Variants in IQCM observed in about 807,000 individuals in gnomAD.
IQCM encodes IQ domain-containing protein M.
A neutral mutation model predicts 57.6 loss-of-function variants in IQCM; 45 were observed. The observed-to-expected ratio is 0.78, with a 90% CI of 0.62 to 1.00. The LOEUF (loss-of-function observed/expected upper bound fraction) is 1.00. IQCM is among the 50% of genes least tolerant of loss of function. The probability of loss-of-function intolerance (pLI) is 0.00; values close to 1 mark genes in which losing one functional copy is unlikely to be tolerated. For synonymous variants in IQCM, 148 were observed against 158.9 expected, an observed-to-expected ratio of 0.93 and a Z score of 0.51; for missense variants, 468 against 511.6, an observed-to-expected ratio of 0.91 and a Z score of 0.82.
At chr4:149,616,845 A>G (rs536835408) in intron 8 of IQCM, among the ~76,000 whole-genome samples, 1 of 152,236 alleles carries the variant, frequency 6.6e-6, no homozygotes, top group Non-Finnish European at 1.5e-5. Flanking sequence ...TGGCATACAT[A>G]TACCTATGTA....
intron 2 of IQCM, among the ~76,000 whole-genome samples, chr4:149,805,185 G>GAAT (rs1773959017): frequency 6.6e-6 from 1 of 152,046 alleles, no homozygotes; most frequent in African/African-American, 2.4e-5. Flanking sequence ...AGCATATAGA[G>GAAT]AATAGTATGA....
intron 13 of IQCM, among the ~76,000 whole-genome samples, chr4:149,416,691 T>C (rs1445386513): frequency 6.6e-6 from 1 of 151,990 alleles, no homozygotes; most frequent in African/African-American, 2.4e-5. Context: ...ATGATATAAT[T>C]TTAGGTATTG....
chr4:149,508,806 T>C (rs1744098671), intron 12 of IQCM, among the ~76,000 whole-genome samples: 1 of 152,156 alleles, frequency 6.6e-6, no homozygotes, highest in Non-Finnish European at 1.5e-5. Context: ...TGGAATGATA[T>C]GGTTTGGCTG....
At chr4:149,798,594 C>T (rs190865677) in intron 2 of IQCM, among the ~76,000 whole-genome samples, 1 of 151,922 alleles carries the variant, frequency 6.6e-6, no homozygotes, top group Non-Finnish European at 1.5e-5. Context: ...CTGTTGCCTA[C>T]AAGAAACACA....
intron 8 of IQCM, among the ~76,000 whole-genome samples, chr4:149,590,247 CTTTT>C (rs71596214): frequency 6.8e-5 from 5 of 73,630 alleles, no homozygotes; most frequent in African/African-American, 1.6e-4. Flanking sequence ...TTTTTCTTTC[CTTTT>C]TTTTTTTTTT....
intron 7 of IQCM, among the ~76,000 whole-genome samples, chr4:149,666,556 C>T (rs1760743313): frequency 6.6e-6 from 1 of 152,072 alleles, no homozygotes; most frequent in African/African-American, 2.4e-5. Context: ...CCCAGTAGTG[C>T]CTGGAACATC....
intron 13 of IQCM, among the ~76,000 whole-genome samples, chr4:149,357,184 T>G (rs572616255): frequency 6.6e-6 from 1 of 152,236 alleles, no homozygotes; most frequent in African/African-American, 2.4e-5. Context: ...AATCATGTCA[T>G]CTGCAAACAG....
intron 8 of IQCM, among the ~76,000 whole-genome samples, chr4:149,590,883 G>A (rs1006030172): frequency 2.6e-5 from 4 of 151,928 alleles, no homozygotes; most frequent in Admixed American, 2.6e-4. Context: ...CCAAGTCTTT[G>A]CTATTGGGAA....
chr4:149,728,482 A>G (rs1383306792), intron 5 of IQCM, among the ~76,000 whole-genome samples: 1 of 152,144 alleles, frequency 6.6e-6, no homozygotes, highest in Non-Finnish European at 1.5e-5. Flanking sequence ...TGAATATCTG[A>G]ACTAAGTTTT....
At chr4:149,506,386 C>T (rs572399507) in intron 12 of IQCM, among the ~76,000 whole-genome samples, 23 of 152,154 alleles carry the variant, frequency 1.5e-4, no homozygotes, top group Non-Finnish European at 2.8e-4. Flanking sequence ...TGCTTGAATT[C>T]CCTGACATCA....
intron 12 of IQCM, among the ~76,000 whole-genome samples, chr4:149,522,508 T>A (rs961595031): frequency 2.0e-5 from 3 of 152,160 alleles, no homozygotes; most frequent in African/African-American, 7.2e-5. Flanking sequence ...CAAATATGAT[T>A]TTCTACTTTA....
At chr4:149,533,428 A>G (rs1227574087) in intron 12 of IQCM, among the ~76,000 whole-genome samples, 2 of 152,164 alleles carry the variant, frequency 1.3e-5, no homozygotes, top group Non-Finnish European at 2.9e-5. Flanking sequence ...TAAGTTCTTT[A>G]TAGAGAATTT....
intron 11 of IQCM, among the ~76,000 whole-genome samples, chr4:149,551,049 T>C (rs1157368953): frequency 1.3e-5 from 2 of 152,320 alleles, no homozygotes; most frequent in Non-Finnish European, 1.5e-5. Context: ...AATCCTCCAA[T>C]GGCTTCCCAA....
At chr4:149,626,738 A>C (rs890758358) in intron 7 of IQCM, among the ~76,000 whole-genome samples, 1 of 152,144 alleles carries the variant, frequency 6.6e-6, no homozygotes, top group Admixed American at 6.6e-5. Flanking sequence ...TATAATGATA[A>C]AGGAGAAGAT....
chr4:149,762,512 C>T (rs1769625785), intron 2 of IQCM, among the ~76,000 whole-genome samples: 2 of 152,086 alleles, frequency 1.3e-5, no homozygotes, highest in South Asian at 4.1e-4. Context: ...ATTAGGAGAG[C>T]AGGCCCTTAC....
At chr4:149,732,415 T>C in intron 5 of IQCM, among the ~76,000 whole-genome samples, 1 of 152,156 alleles carries the variant, frequency 6.6e-6, no homozygotes, top group East Asian at 1.9e-4. Context: ...TCTTCTGGCC[T>C]TTGGTTGGTT....
At chr4:149,462,123 G>T (rs1738364723) in intron 12 of IQCM, among the ~76,000 whole-genome samples, 1 of 152,114 alleles carries the variant, frequency 6.6e-6, no homozygotes, top group Non-Finnish European at 1.5e-5. Context: ...TTGGAAATTT[G>T]TTAATGTTCT....
intron 12 of IQCM, among the ~76,000 whole-genome samples, chr4:149,441,744 C>T (rs1254713308): frequency 6.6e-6 from 1 of 152,118 alleles, no homozygotes; most frequent in East Asian, 1.9e-4. Flanking sequence ...AGAGACTTCT[C>T]CACAAATCTT....
At chr4:149,787,637 T>G (rs985614001) in intron 2 of IQCM, among the ~76,000 whole-genome samples, 1 of 152,146 alleles carries the variant, frequency 6.6e-6, no homozygotes, top group Admixed American at 6.5e-5. Flanking sequence ...GATATCCATA[T>G]GCAGAAGAAT....
Sources: allele counts gnomAD v4.1 joint callset (sites outside exome capture counted in the v4.1 genomes callset), GRCh38; gene constraint gnomAD v4.1.1; transcripts MANE v1.5; gene names NCBI Gene and HGNC (gene_info 2026-07-23, HGNC 2026-07-21).